FARSB: variants seen among roughly 807,000 people sequenced by gnomAD.
The protein encoded by FARSB is phenylalanine--tRNA ligase beta subunit.
A neutral mutation model predicts 69.6 loss-of-function variants in FARSB; 40 were observed. The ratio of observed to expected loss-of-function variants is 0.57; its 90% CI spans 0.45 to 0.75. The LOEUF (loss-of-function observed/expected upper bound fraction) is 0.75, where lower values mean the gene tolerates loss of function less well. FARSB is among the 30% of genes least tolerant of loss of function. The pLI, the probability that FARSB is intolerant of heterozygous loss-of-function variation, is 0.00. For synonymous variants in FARSB, 235 were observed against 247.2 expected (o/e 0.95, Z 0.46); for missense variants, 632 against 722.9 (o/e 0.87, Z 1.44).
At chr2:222,628,099 A>C (rs531155335) in intron 10 of FARSB, among the ~76,000 whole-genome samples, 1 of 152,318 alleles carries the variant, frequency 6.6e-6, no homozygotes, top group East Asian at 1.9e-4. Context: ...TACATTTGAA[A>C]TTATTTATTA....
At chr2:222,590,548 CAAAAAA>C (rs377051875) in intron 16 of FARSB, among the ~76,000 whole-genome samples, 2 of 114,064 alleles carry the variant, frequency 1.8e-5, no homozygotes, top group Non-Finnish European at 1.8e-5. Flanking sequence ...CCTTTTAGGC[CAAAAAA>C]AAAAAAAAAA....
At chr2:222,634,618 G>T in intron 5 of FARSB, 77 bp from the exon 6 acceptor site, 1 of 1,159,850 alleles carries the variant, frequency 8.6e-7, no homozygotes, top group Non-Finnish European at 1.2e-6. Flanking sequence ...ATATTCTAAA[G>T]CCGAAATTCT....
At chr2:222,613,464 G>C (rs1023744918) in intron 15 of FARSB, among the ~76,000 whole-genome samples, 1 of 152,196 alleles carries the variant, frequency 6.6e-6, no homozygotes, top group Non-Finnish European at 1.5e-5. Context: ...AGTATCACTT[G>C]AACCCAGGAG....
Position 222,620,385 on chromosome 2 carries a change from T to C in FARSB, c.1252-648A>G, listed in dbSNP as rs1312120111. Among the ~76,000 whole-genome samples, 3 of 152,356 alleles carry C rather than the reference T, an allele frequency of 2.0e-5. No homozygotes were observed. The East Asian group carries it at 5.8e-4, about 29-fold the overall frequency. On this transcript the variant is annotated intron_variant, in intron 13 of 16. Transcript: ENST00000281828. Reference sequence around the variant, plus strand: ...TTCAAGTGACTGGAACTCTGCCCAGTGTTCTTTACTGTATCACTTAACTTC... The same window carrying C: ...TTCAAGTGACTGGAACTCTGCCCAGCGTTCTTTACTGTATCACTTAACTTC...
At chr2:222,598,492 T>C (rs1393334685) in intron 16 of FARSB, among the ~76,000 whole-genome samples, 1 of 152,220 alleles carries the variant, frequency 6.6e-6, no homozygotes, top group Non-Finnish European at 1.5e-5. Context: ...AAATTGGACC[T>C]CACGTTCAGG....
Position 222,624,358 on chromosome 2 carries a change from A to G in FARSB, c.1084T>C (p.Cys362Arg). Residue 362 changes from cysteine (C) to arginine (R), a missense_variant, in exon 12 of 17, where the codon TGT becomes CGT. Transcript: ENST00000281828. ...ATAGCTGCATCTTCTACAATATCAC[A>G]TGCATGGATAATGTCAGCTCTGGTT... ...PPTRADIIHA[C>R]DIVEDAAIAY... The G allele has an allele frequency of 6.2e-7, 1 of 1,610,462 alleles. No individual in the cohort carries two copies. The highest frequency in any genetic ancestry group is 1.1e-5 in the South Asian group (1 of 91,014).
At chr2:222,622,518 T>C (rs908058369) in intron 13 of FARSB, among the ~76,000 whole-genome samples, 1 of 152,222 alleles carries the variant, frequency 6.6e-6, no homozygotes, top group African/African-American at 2.4e-5. Flanking sequence ...ACTCATATGT[T>C]TTAAAAAATA....
At chr2:222,590,125 T>A (rs915187107) in intron 16 of FARSB, among the ~76,000 whole-genome samples, 8 of 152,070 alleles carry the variant, frequency 5.3e-5, no homozygotes, top group Non-Finnish European at 8.8e-5. Flanking sequence ...CAAATGTCCA[T>A]CAATGATAGA....
chr2:222,613,496 T>C (rs1270231924), intron 15 of FARSB, among the ~76,000 whole-genome samples: 1 of 152,150 alleles, frequency 6.6e-6, no homozygotes, highest in Non-Finnish European at 1.5e-5. Flanking sequence ...AGTGAGCTGA[T>C]ATCAGGCCAC....
At chr2:222,577,087 A>G (rs1374298121) in intron 16 of FARSB, among the ~76,000 whole-genome samples, 3 of 152,160 alleles carry the variant, frequency 2.0e-5, no homozygotes, top group Non-Finnish European at 4.4e-5. Flanking sequence ...TATAAAAGGA[A>G]AGAAAAAGGT....
chr2:222,596,232 A>G (rs1380598525), intron 16 of FARSB, among the ~76,000 whole-genome samples: 1 of 152,152 alleles, frequency 6.6e-6, no homozygotes, highest in Non-Finnish European at 1.5e-5. Flanking sequence ...TGCCCCCTGC[A>G]TAACAAGCAA....
At chr2:222,622,365 G>C (rs1691159452) in intron 13 of FARSB, among the ~76,000 whole-genome samples, 1 of 152,056 alleles carries the variant, frequency 6.6e-6, no homozygotes, top group Non-Finnish European at 1.5e-5. Flanking sequence ...AATATAAAAG[G>C]GCAGGGAAAA....
In FARSB at chr2:222,571,724, T is replaced by C; in HGVS notation, c.*147A>G. On this transcript the variant is annotated 3_prime_UTR_variant, in exon 17 of 17. Coordinates refer to ENST00000281828, the MANE Select transcript of FARSB (RefSeq NM_005687.5). Reference sequence around the variant, plus strand: ...GCTGGCCTAATATGCAGGGAAAGGATGGTCTCTACCCACACAGCCAGACAG... The same window carrying C: ...GCTGGCCTAATATGCAGGGAAAGGACGGTCTCTACCCACACAGCCAGACAG... The C allele has an allele frequency of 3.0e-6, 2 of 655,942 alleles. No individual in the cohort carries two copies. Among genetic ancestry groups the C allele is most frequent in the Non-Finnish European group, 2.6e-6 (1 of 388,612 alleles). 40.6% of individuals were successfully genotyped at this position (655,942 alleles called of 1,614,324 possible).
intron 16 of FARSB, among the ~76,000 whole-genome samples, chr2:222,596,176 G>A (rs778475450): frequency 5.3e-5 from 8 of 152,024 alleles, no homozygotes; most frequent in Non-Finnish European, 1.0e-4. Context: ...CTACAACTAC[G>A]GGCTTTCTGG....
rs1574902535 is a variant in FARSB, at chr2:222,568,417, T to C, written c.*3454A>G. ...GTGTCTCAAACTCATTTATTGGCTA[T>C]GTGACTTCTGAGTAAGTTATTGATC... On this transcript the variant is annotated 3_prime_UTR_variant, in exon 17 of 17. Coordinates refer to ENST00000281828, the MANE Select transcript of FARSB (RefSeq NM_005687.5). The surrounding 1 kb of genome is among the most constrained non-coding windows in gnomAD (Gnocchi z 4.3). The C allele has an allele frequency of 6.6e-6, 1 of 152,364 alleles. No individual in the cohort carries two copies. The allele number at this position is 152,364 out of a possible 1,614,324, so 9.4% of individuals were successfully genotyped here.
chr2:222,637,990 C>T (rs1559213705), intron 5 of FARSB, among the ~76,000 whole-genome samples: 1 of 151,620 alleles, frequency 6.6e-6, no homozygotes, highest in East Asian at 1.9e-4. Context: ...TCAAAACAAA[C>T]AAACAAACAA....
Position 222,590,363 on chromosome 2 carries a change from C to T in FARSB, c.1618+9565G>A, listed in dbSNP as rs191946270. Among the ~76,000 whole-genome samples the T allele has an allele frequency of 7.6e-3, 1,146 of 151,242 alleles. 13 individuals are homozygous for T. The highest frequency in any genetic ancestry group is 0.027 in the African/African-American group (1,109 of 41,228). ...TGGAACATCACATACCGGGGCCTGT[C>T]ATGGGGTGGGGGAAGGGGGAGGGAA... On this transcript the variant is annotated intron_variant, in intron 16 of 16. Transcript: ENST00000281828.
chr2:222,589,526 A>G (rs2106188262), intron 16 of FARSB, among the ~76,000 whole-genome samples: 1 of 151,796 alleles, frequency 6.6e-6, no homozygotes, highest in African/African-American at 2.4e-5. Context: ...ATCTAATTAA[A>G]CTAAAGAGCT....
intron 7 of FARSB, among the ~76,000 whole-genome samples, chr2:222,632,901 C>T (rs1691473003): frequency 1.3e-5 from 2 of 150,348 alleles, no homozygotes; most frequent in Admixed American, 6.6e-5. Flanking sequence ...TTGAGTTTAA[C>T]CAAGTGAATT....
Sources: allele counts gnomAD v4.1 joint callset (sites outside exome capture counted in the v4.1 genomes callset), GRCh38; gene constraint gnomAD v4.1.1; non-coding constraint Gnocchi (gnomAD v3.1); transcripts MANE v1.5; gene names NCBI Gene and HGNC (gene_info 2026-07-23, HGNC 2026-07-21).